Variants in UNC13B observed in about 807,000 individuals in gnomAD.
UNC13B encodes protein unc-13 homolog B.
A neutral mutation model predicts 211.0 loss-of-function variants in UNC13B; 144 were observed. The observed-to-expected ratio is 0.68, with a 90% CI of 0.60 to 0.78. UNC13B has a LOEUF of 0.78. UNC13B is among the 30% of genes least tolerant of loss of function. The probability of loss-of-function intolerance (pLI) is 0.00; values close to 1 mark genes in which losing one functional copy is unlikely to be tolerated. For missense variants in UNC13B, 1,777 were observed against 2,002.0 expected, an observed-to-expected ratio of 0.89 and a Z score of 2.14; for synonymous variants, 709 against 725.8, an observed-to-expected ratio of 0.98 and a Z score of 0.37.
Position 35,183,351 on chromosome 9 carries a change from G to A in UNC13B, c.22+21046G>A, listed in dbSNP as rs1406078752. Among the ~76,000 whole-genome samples, 61 of 84,366 alleles carry A rather than the reference G, an allele frequency of 7.2e-4. 11 individuals carry two copies. The highest frequency in any genetic ancestry group is 1.4e-3 in the Admixed American group (11 of 7,790). The allele number at this position is 84,366 out of a possible 152,430, so 55.3% of individuals were successfully genotyped here. Reference sequence around the variant, plus strand: ...GGCAGAGGCGCCCCTCACCTCCCAGGCGGGGCGGCCGGGCAGAGGCGCTCC... The same window carrying A: ...GGCAGAGGCGCCCCTCACCTCCCAGACGGGGCGGCCGGGCAGAGGCGCTCC... On this transcript the variant is annotated intron_variant, in intron 1 of 39. Coordinates refer to ENST00000635942, the MANE Select transcript of UNC13B (RefSeq NM_001371189.2).
rs1265891414 is a variant in UNC13B, at chr9:35,378,150, C to T, written c.10064-145C>T. ...TGGGCTTTAAGGGAAAGGCTGGTGG[C>T]CCAGGACAAAGAATAAATATGGAGG... On this transcript the variant is annotated intron_variant, in intron 16 of 39. Coordinates refer to ENST00000635942, the MANE Select transcript of UNC13B (RefSeq NM_001371189.2). The T allele has an allele frequency of 6.3e-5, 76 of 1,198,978 alleles. 1 individual carries two copies. In the South Asian group the frequency reaches 1.1e-3, roughly 17 times the overall value. 74.3% of individuals were successfully genotyped at this position (1,198,978 alleles called of 1,614,324 possible). A position where few individuals can be genotyped will look rare whatever the true frequency, so the allele number is the denominator to read the frequency against.
Position 35,370,481 on chromosome 9 carries a change from C to T in UNC13B, c.9540+85C>T, listed in dbSNP as rs113508223. 711 of 1,321,776 alleles carry T rather than the reference C, an allele frequency of 5.4e-4. 4 individuals carry two copies. The African/African-American group carries it at 8.9e-3, about 17-fold the overall frequency. 81.9% of individuals were successfully genotyped at this position (1,321,776 alleles called of 1,614,324 possible). A position where few individuals can be genotyped will look rare whatever the true frequency, so the allele number is the denominator to read the frequency against. ...TTGGCAAGCTGTCAGGATTGGAAGT[C>T]GTCCATTTAATGACTCAAATTGATC... On this transcript the variant is annotated intron_variant, in intron 13 of 39. Coordinates refer to ENST00000635942, the MANE Select transcript of UNC13B (RefSeq NM_001371189.2).
chr9:35,308,999 G>A (rs1830055723), intron 9 of UNC13B, among the ~76,000 whole-genome samples: 1 of 152,074 alleles, frequency 6.6e-6, no homozygotes. Context: ...TATCATCTCT[G>A]CCTTTTACTA....
intron 9 of UNC13B, 36 bp from the exon 10 acceptor site, chr9:35,310,431 T>A: frequency 6.3e-7 from 1 of 1,598,320 alleles, no homozygotes; most frequent in South Asian, 1.1e-5. Flanking sequence ...CCTGATTGCA[T>A]TTATTTACTT....
intron 15 of UNC13B, among the ~76,000 whole-genome samples, chr9:35,376,920 C>T (rs1304981164): frequency 6.6e-6 from 1 of 152,222 alleles, no homozygotes; most frequent in East Asian, 1.9e-4. Flanking sequence ...CTTGCACTCA[C>T]TGTGGCTGGA....
At chr9:35,365,063 T>G (rs914314299) in intron 11 of UNC13B, among the ~76,000 whole-genome samples, 1 of 152,234 alleles carries the variant, frequency 6.6e-6, no homozygotes, top group Non-Finnish European at 1.5e-5. Context: ...GTACTTGTGC[T>G]CTGAACAGGC....
intron 10 of UNC13B, among the ~76,000 whole-genome samples, chr9:35,311,105 G>T (rs1830161385): frequency 6.6e-6 from 1 of 152,192 alleles, no homozygotes; most frequent in African/African-American, 2.4e-5. Context: ...TTCCTGAGTA[G>T]CTGGGACTAC....
intron 6 of UNC13B, among the ~76,000 whole-genome samples, chr9:35,247,817 C>G (rs539683680): frequency 5.8e-4 from 88 of 152,054 alleles, no homozygotes; most frequent in South Asian, 3.1e-3. Context: ...AAAATTCTCT[C>G]TTTTTGTTGT....
At chr9:35,180,537 C>T (rs995998488) in intron 1 of UNC13B, among the ~76,000 whole-genome samples, 11 of 151,790 alleles carry the variant, frequency 7.2e-5, no homozygotes, top group South Asian at 2.1e-4. Flanking sequence ...CTATTTCAGT[C>T]GGTGTGAATT....
chr9:35,211,643 T>C (rs931020720), intron 1 of UNC13B, among the ~76,000 whole-genome samples: 15 of 152,200 alleles, frequency 9.9e-5, no homozygotes, highest in African/African-American at 3.6e-4. Context: ...TTTAAGACTT[T>C]GATAGATTCT....
At position 35,248,334 on chromosome 9, in the gene UNC13B, G is replaced by T. The variant is rs553941247; in HGVS notation, c.468+4970G>T. Among the ~76,000 whole-genome samples, 116 of 152,114 alleles carry T rather than the reference G, an allele frequency of 7.6e-4. 1 individual carries two copies. In the South Asian group the frequency reaches 0.019, roughly 25 times the overall value. On this transcript the variant is annotated intron_variant, in intron 6 of 39. Transcript: ENST00000635942. ...CTGGATTCATTGATTTTTTTGAAGGGTTTTTTGTGTCTCTATGTCCTTCAG... is the reference window on the plus strand; with the variant it reads ...CTGGATTCATTGATTTTTTTGAAGGTTTTTTTGTGTCTCTATGTCCTTCAG...
intron 5 of UNC13B, 111 bp from the exon 6 acceptor site, chr9:35,243,180 A>G (rs1825898049): frequency 9.6e-7 from 1 of 1,045,630 alleles, no homozygotes; most frequent in East Asian, 2.4e-5. Context: ...AAACTTGTGC[A>G]TCACTACCAC....
rs201084997 is a variant in UNC13B, at chr9:35,398,576, G to T, written c.11855G>T (p.Ser3952Ile). ...GKELDLEAAD[S>I]LKELQVKLNT... is the part of the protein sequence containing the mutation. ...CAGCTGGACCTTGAAGCTGCAGACA[G>T]TCTGAAGGAGCTGCAGGTGAAACTG... Residue 3952 changes from serine (S) to isoleucine (I), a missense_variant, in exon 32 of 40, where the codon AGT (serine) becomes ATT (isoleucine). Ser to Ile is a moderately radical substitution (Grantham distance 142). Transcript: ENST00000635942. 44 of 1,614,038 alleles carry T rather than the reference G, an allele frequency of 2.7e-5. No individual in the cohort carries two copies. Among genetic ancestry groups the T allele is most frequent in the Admixed American group, 6.7e-5 (4 of 60,018 alleles).
At chr9:35,356,674 T>G (rs1833043431) in intron 11 of UNC13B, among the ~76,000 whole-genome samples, 1 of 152,186 alleles carries the variant, frequency 6.6e-6, no homozygotes, top group African/African-American at 2.4e-5. Flanking sequence ...TGGTTTTTAG[T>G]TTATTCATAG....
intron 1 of UNC13B, among the ~76,000 whole-genome samples, chr9:35,194,661 G>C (rs1278556265): frequency 6.6e-6 from 1 of 152,186 alleles, no homozygotes; most frequent in Admixed American, 6.5e-5. Flanking sequence ...GTTCTAAAGT[G>C]GAGGCCAACA....
chr9:35,351,276 A>C lies in UNC13B; in HGVS notation c.9415-15671A>C, dbSNP rs1395284973. ...TGCTACTTTCTGACCTGAGTGCACT[A>C]TTTTCCTTTTTCACTAGCTACAGGA... On this transcript the variant is annotated intron_variant, in intron 11 of 39. Coordinates refer to ENST00000635942, the MANE Select transcript of UNC13B (RefSeq NM_001371189.2). 12 of 1,171,272 alleles carry C rather than the reference A, an allele frequency of 1.0e-5. No homozygotes were observed. In the East Asian group the frequency reaches 4.5e-4, roughly 44 times the overall value. 72.6% of individuals were successfully genotyped at this position (1,171,272 alleles called of 1,614,324 possible).
At chr9:35,326,549 C>G (rs1386077586) in intron 11 of UNC13B, among the ~76,000 whole-genome samples, 1 of 152,100 alleles carries the variant, frequency 6.6e-6, no homozygotes, top group Non-Finnish European at 1.5e-5. Context: ...CCACACCTGG[C>G]TAAGTTTCTA....
chr9:35,256,105 A>G (rs1409715050), intron 6 of UNC13B, among the ~76,000 whole-genome samples: 2 of 152,224 alleles, frequency 1.3e-5, no homozygotes, highest in Non-Finnish European at 2.9e-5. Context: ...GTTACAGTTA[A>G]TGAACTAATA....
intron 11 of UNC13B, among the ~76,000 whole-genome samples, chr9:35,342,530 T>G (rs1437510883): frequency 1.3e-5 from 2 of 152,152 alleles, no homozygotes. Flanking sequence ...TTCACATGCA[T>G]GTATTTGTGT....
Sources: allele counts gnomAD v4.1 joint callset (sites outside exome capture counted in the v4.1 genomes callset), GRCh38; gene constraint gnomAD v4.1.1; transcripts MANE v1.5; gene names NCBI Gene and HGNC (gene_info 2026-07-23, HGNC 2026-07-21).